Variants in LRRC37A2 observed in about 807,000 individuals in gnomAD.
LRRC37A2 encodes the protein leucine-rich repeat-containing protein 37A2.
In LRRC37A2, 9 loss-of-function variants were observed where a neutral mutation model predicts 68.8. That is an observed-to-expected ratio of 0.13 (90% CI 0.08 to 0.23). The LOEUF is 0.23. Among genes scored for constraint, LRRC37A2 ranks in the 10% least tolerant of loss-of-function variants. The probability of loss-of-function intolerance (pLI) is 1.00; values close to 1 mark genes in which losing one functional copy is unlikely to be tolerated. For missense variants in LRRC37A2, 168 were observed against 950.4 expected, an observed-to-expected ratio of 0.18 and a Z score of 10.82; for synonymous variants, 63 against 367.6, an observed-to-expected ratio of 0.17 and a Z score of 9.48.
the LRRC37A2 span, among the ~76,000 whole-genome samples, chr17:46,896,154 C>T: frequency 6.6e-6 from 1 of 151,822 alleles, no homozygotes; most frequent in Non-Finnish European, 1.5e-5. Flanking sequence ...ATTAGCTGGG[C>T]CTGGTGGCAG....
At chr17:46,746,805 A>G in the LRRC37A2 span, among the ~76,000 whole-genome samples, 49 of 152,214 alleles carry the variant, frequency 3.2e-4, no homozygotes, top group Non-Finnish European at 6.3e-4. Flanking sequence ...GTGAGATTCA[A>G]TAGCTTCATC....
chr17:46,896,390 A>AAGAG, the LRRC37A2 span, among the ~76,000 whole-genome samples: 1 of 121,222 alleles, frequency 8.2e-6, no homozygotes, highest in African/African-American at 3.1e-5. Context: ...GAAAGAAAGA[A>AAGAG]AGAGAAAGAA....
At chr17:46,586,382 A>T in the LRRC37A2 span, among the ~76,000 whole-genome samples, 143 of 17,570 alleles carry the variant, frequency 8.1e-3, 47 homozygotes, top group African/African-American at 9.7e-3. Context: ...TCTCTCTGTC[A>T]CACACACACA....
the LRRC37A2 span, among the ~76,000 whole-genome samples, chr17:46,910,425 G>A: frequency 2.0e-5 from 3 of 151,946 alleles, no homozygotes; most frequent in African/African-American, 4.8e-5. Context: ...CAGATCCTCC[G>A]AGTGCCGCTG....
chr17:46,912,982 G>A, the LRRC37A2 span, among the ~76,000 whole-genome samples: 1 of 152,186 alleles, frequency 6.6e-6, no homozygotes, highest in Admixed American at 6.5e-5. Flanking sequence ...GAAGTTTAGT[G>A]TCCTTGTCTA....
the LRRC37A2 span, among the ~76,000 whole-genome samples, chr17:46,955,259 A>C: frequency 6.6e-6 from 1 of 151,692 alleles, no homozygotes; most frequent in African/African-American, 2.4e-5. Flanking sequence ...CCTTTTCTGC[A>C]TCTATTGAGA....
At chr17:46,872,886 T>C in the LRRC37A2 span, 3 of 1,258,538 alleles carry the variant, frequency 2.4e-6, no homozygotes, top group African/African-American at 1.5e-5. Flanking sequence ...CAGGCCACAC[T>C]GCCCTTCCTG....
the LRRC37A2 span, among the ~76,000 whole-genome samples, chr17:46,825,513 A>G: frequency 6.6e-6 from 1 of 152,262 alleles, no homozygotes; most frequent in Non-Finnish European, 1.5e-5. Flanking sequence ...CTTCTTCCTT[A>G]TAACCCAGCT....
At chr17:46,438,285 TGCCACA>T in the LRRC37A2 span, among the ~76,000 whole-genome samples, 1 of 64,098 alleles carries the variant, frequency 1.6e-5, no homozygotes, top group African/African-American at 4.8e-5. Context: ...GATAGTTTAT[TGCCACA>T]GTCAAAAGAT....
chr17:46,497,399 G>GA, the LRRC37A2 span, among the ~76,000 whole-genome samples: 2 of 147,370 alleles, frequency 1.4e-5, no homozygotes, highest in Non-Finnish European at 3.0e-5. Flanking sequence ...CCTATTTTTG[G>GA]ATTAACTGAA....
At chr17:46,807,964 G>T in the LRRC37A2 span, among the ~76,000 whole-genome samples, 1 of 152,184 alleles carries the variant, frequency 6.6e-6, no homozygotes, top group Non-Finnish European at 1.5e-5. Context: ...ACAATTGGCT[G>T]TTTCAGAGAT....
At chr17:46,421,045 C>T in the LRRC37A2 span, among the ~76,000 whole-genome samples, 1 of 69,752 alleles carries the variant, frequency 1.4e-5, no homozygotes, top group Non-Finnish European at 4.0e-5. Context: ...GTGATCCATC[C>T]GCCTTGACCT....
chr17:46,979,040 T>C, the LRRC37A2 span: 1 of 1,374,682 alleles, frequency 7.3e-7, no homozygotes, highest in Non-Finnish European at 9.3e-7. Flanking sequence ...CGGCGCGCAG[T>C]CCCGGGTGCA....
the LRRC37A2 span, among the ~76,000 whole-genome samples, chr17:47,039,183 C>T: frequency 6.7e-6 from 1 of 149,072 alleles, no homozygotes; most frequent in Non-Finnish European, 1.5e-5. Context: ...CATTTCATTG[C>T]CTTTTGTCCT....
At chr17:46,545,452 A>G (rs1408083294) in intron 8 of LRRC37A2, among the ~76,000 whole-genome samples, 3 of 106,436 alleles carry the variant, frequency 2.8e-5, no homozygotes, top group African/African-American at 1.5e-4. Context: ...AATAAAAATA[A>G]AAAATAATAA....
At chr17:46,840,244 G>A in the LRRC37A2 span, among the ~76,000 whole-genome samples, 1 of 151,672 alleles carries the variant, frequency 6.6e-6, no homozygotes, top group Non-Finnish European at 1.5e-5. Context: ...CCGACACCAC[G>A]CCCGGCTAAT....
the LRRC37A2 span, among the ~76,000 whole-genome samples, chr17:46,909,451 T>C: frequency 6.6e-6 from 1 of 152,216 alleles, no homozygotes; most frequent in Non-Finnish European, 1.5e-5. Context: ...AGATGAAAAA[T>C]ATCGTTTCAA....
chr17:46,501,512 G>A, the LRRC37A2 span, among the ~76,000 whole-genome samples: 25 of 151,352 alleles, frequency 1.7e-4, 1 homozygote, highest in African/African-American at 4.9e-4. Flanking sequence ...ATGTGTGGGC[G>A]TGACCAAGTC....
the LRRC37A2 span, among the ~76,000 whole-genome samples, chr17:47,032,835 G>T: frequency 8.4e-4 from 128 of 152,114 alleles, no homozygotes; most frequent in Non-Finnish European, 1.5e-3. Flanking sequence ...TCAAACCCAG[G>T]TCTGCCAGAT....
Sources: allele counts gnomAD v4.1 joint callset (sites outside exome capture counted in the v4.1 genomes callset), GRCh38; gene constraint gnomAD v4.1.1; transcripts MANE v1.5; gene names NCBI Gene and HGNC (gene_info 2026-07-23, HGNC 2026-07-21).